The following MAGI3 variants were observed in gnomAD, a reference collection of about 807,000 sequenced individuals.
MAGI3 encodes membrane-associated guanylate kinase, WW and PDZ domain-containing protein 3.
In MAGI3, 43 loss-of-function variants were observed where a neutral mutation model predicts 121.8. The observed-to-expected ratio is 0.35, with a 90% CI of 0.28 to 0.46. MAGI3 has a LOEUF of 0.46. Ranked by LOEUF, MAGI3 falls within the 20% of genes least tolerant of loss-of-function variation. The pLI is 1.00. For missense variants in MAGI3, 1,547 were observed against 1,797.3 expected (o/e 0.86, Z 2.52); for synonymous variants, 553 against 639.3 (o/e 0.86, Z 2.04).
At chr1:113,411,777 G>A (rs2101336546) in intron 1 of MAGI3, among the ~76,000 whole-genome samples, 6 of 150,486 alleles carry the variant, frequency 4.0e-5, no homozygotes, top group African/African-American at 1.2e-4. Flanking sequence ...TATAAAGCAA[G>A]GAAAGTTAAA....
intron 1 of MAGI3, among the ~76,000 whole-genome samples, chr1:113,423,989 TG>T (rs1195216924): frequency 6.6e-6 from 1 of 152,146 alleles, no homozygotes; most frequent in Non-Finnish European, 1.5e-5. Context: ...AGGGAGCAGG[TG>T]CAGGCACTTC....
At position 113,572,463 on chromosome 1, in the gene MAGI3, G is replaced by GAAT. The variant is rs1647357555; in HGVS notation, c.434-8078_434-8076dup. On this transcript the variant is annotated intron_variant, in intron 2 of 20. Coordinates refer to ENST00000307546, the MANE Select transcript of MAGI3 (RefSeq NM_001142782.2). ...CTATTGTTTGGAAGAGTTTCAAAAG[G>GAAT]AATGGTACCAGCTCCTCTTTGTACC... Among the ~76,000 whole-genome samples the GAAT allele has an allele frequency of 3.9e-5, 6 of 152,272 alleles. No individual in the cohort carries two copies. The South Asian group carries it at 1.2e-3, about 32-fold the overall frequency.
chr1:113,517,064 A>G (rs1657949913), intron 1 of MAGI3, among the ~76,000 whole-genome samples: 1 of 152,020 alleles, frequency 6.6e-6, no homozygotes, highest in Non-Finnish European at 1.5e-5. Flanking sequence ...GGGAAGCCTA[A>G]GGAAATATGA....
chr1:113,682,846 C>T, intron 20 of MAGI3, 51 bp from the exon 21 acceptor site: 1 of 1,487,576 alleles, frequency 6.7e-7, no homozygotes, highest in South Asian at 1.4e-5. Flanking sequence ...CGTATTGTTC[C>T]TATTTGTAAT....
intron 1 of MAGI3, among the ~76,000 whole-genome samples, chr1:113,410,759 G>A (rs1316417160): frequency 6.6e-6 from 1 of 151,980 alleles, no homozygotes; most frequent in Non-Finnish European, 1.5e-5. Flanking sequence ...CTGTCATGTT[G>A]ATAAACAATT....
At chr1:113,627,478 G>A (rs1651313341) in intron 9 of MAGI3, among the ~76,000 whole-genome samples, 1 of 151,344 alleles carries the variant, frequency 6.6e-6, no homozygotes, top group Non-Finnish European at 1.5e-5. Flanking sequence ...ATGTTTCCTT[G>A]TTGATTTTCT....
intron 1 of MAGI3, among the ~76,000 whole-genome samples, chr1:113,463,623 A>G (rs1479888114): frequency 2.6e-5 from 4 of 152,082 alleles, no homozygotes; most frequent in Non-Finnish European, 5.9e-5. Context: ...AAAATGAGGA[A>G]GTAGAGATAA....
intron 6 of MAGI3, among the ~76,000 whole-genome samples, chr1:113,608,561 G>A (rs759554661): frequency 6.6e-6 from 1 of 152,142 alleles, no homozygotes; most frequent in African/African-American, 2.4e-5. Context: ...TCCTCCCAAC[G>A]GGCAGACATG....
At chr1:113,513,064 T>G (rs1195888083) in intron 1 of MAGI3, among the ~76,000 whole-genome samples, 1 of 152,096 alleles carries the variant, frequency 6.6e-6, no homozygotes, top group African/African-American at 2.4e-5. Context: ...GAATCCACCT[T>G]ACAAGGGACA....
intron 2 of MAGI3, among the ~76,000 whole-genome samples, chr1:113,572,157 G>A (rs1647332045): frequency 6.6e-6 from 1 of 152,042 alleles, no homozygotes; most frequent in Non-Finnish European, 1.5e-5. Context: ...ATAATCATGT[G>A]GTTTTTGTCA....
At chr1:113,634,445 CT>C (rs1428551305) in intron 9 of MAGI3, among the ~76,000 whole-genome samples, 1 of 152,194 alleles carries the variant, frequency 6.6e-6, no homozygotes, top group Admixed American at 6.5e-5. Flanking sequence ...TTTCAGCTTT[CT>C]ACATATGGCT....
intron 6 of MAGI3, among the ~76,000 whole-genome samples, chr1:113,596,628 A>T (rs1475574350): frequency 1.3e-5 from 2 of 152,208 alleles, no homozygotes; most frequent in East Asian, 3.8e-4. Context: ...ACAACTCAAT[A>T]ATATTGCCAA....
intron 1 of MAGI3, among the ~76,000 whole-genome samples, chr1:113,483,336 A>C (rs532072559): frequency 1.3e-5 from 2 of 152,250 alleles, no homozygotes; most frequent in South Asian, 4.1e-4. Context: ...CCCCAATATG[A>C]TGATATCTGG....
At chr1:113,604,731 A>T (rs1315957520) in intron 6 of MAGI3, among the ~76,000 whole-genome samples, 1 of 151,842 alleles carries the variant, frequency 6.6e-6, no homozygotes, top group Non-Finnish European at 1.5e-5. Flanking sequence ...TGGAGAACCA[A>T]ATACTCTATG....
At chr1:113,516,390 C>CAAAAAAAAAAAAAAAAAAAAA (rs60186333) in intron 1 of MAGI3, among the ~76,000 whole-genome samples, 4 of 71,006 alleles carry the variant, frequency 5.6e-5, no homozygotes, top group African/African-American at 1.2e-4. Flanking sequence ...GAAGTTCTCA[C>CAAAAAAAAAAAAAAAAAAAAA]AAAAAAAAAA....
At chr1:113,566,742 A>T (rs1262456527) in intron 2 of MAGI3, among the ~76,000 whole-genome samples, 3 of 152,066 alleles carry the variant, frequency 2.0e-5, no homozygotes, top group Non-Finnish European at 4.4e-5. Context: ...CTGGAGATAA[A>T]TTTTTTAAAA....
chr1:113,634,029 G>A (rs1651836726), intron 9 of MAGI3, among the ~76,000 whole-genome samples: 1 of 151,346 alleles, frequency 6.6e-6, no homozygotes, highest in Non-Finnish European at 1.5e-5. Context: ...CTGCATAAAT[G>A]TCTTCTTTTG....
At chr1:113,423,511 T>C (rs1652841050) in intron 1 of MAGI3, among the ~76,000 whole-genome samples, 1 of 152,146 alleles carries the variant, frequency 6.6e-6, no homozygotes, top group Admixed American at 6.5e-5. Context: ...GACCTCATGA[T>C]CTGCCCACCT....
intron 1 of MAGI3, among the ~76,000 whole-genome samples, chr1:113,427,030 A>G (rs987558096): frequency 6.6e-6 from 1 of 151,944 alleles, no homozygotes. Flanking sequence ...TACATATATT[A>G]CTTGTTACAG....
Sources: allele counts gnomAD v4.1 joint callset (sites outside exome capture counted in the v4.1 genomes callset), GRCh38; gene constraint gnomAD v4.1.1; transcripts MANE v1.5; gene names NCBI Gene and HGNC (gene_info 2026-07-23, HGNC 2026-07-21).